Variants in MFHAS1 observed in about 807,000 individuals in gnomAD.
MFHAS1 encodes multifunctional ROCO family signaling regulator 1.
Under a neutral mutation model 70.4 loss-of-function variants are expected in MFHAS1, and 50 were observed. The observed-to-expected ratio is 0.71, with a 90% CI of 0.57 to 0.90. MFHAS1 has a LOEUF of 0.90. Ranked by LOEUF, MFHAS1 falls within the 40% of genes least tolerant of loss-of-function variation. MFHAS1 has a pLI of 0.00. For missense variants in MFHAS1, 1,795 were observed against 1,347.6 expected (o/e 1.33, Z -5.20); for synonymous variants, 952 against 620.0 (o/e 1.54, Z -7.96).
At chr8:8,838,707 G>A (rs1156429994) in intron 1 of MFHAS1, among the ~76,000 whole-genome samples, 1 of 151,920 alleles carries the variant, frequency 6.6e-6, no homozygotes, top group African/African-American at 2.4e-5. Context: ...CAGCTACTCA[G>A]GAGGGTGAGG....
At chr8:8,853,514 T>C (rs1394272423) in intron 1 of MFHAS1, among the ~76,000 whole-genome samples, 10 of 149,288 alleles carry the variant, frequency 6.7e-5, no homozygotes, top group Non-Finnish European at 3.0e-5. Context: ...AGATTGCTAG[T>C]GCCTGGCACG....
intron 1 of MFHAS1, among the ~76,000 whole-genome samples, chr8:8,880,641 G>C (rs1228084274): frequency 1.3e-5 from 2 of 151,716 alleles, no homozygotes; most frequent in Non-Finnish European, 2.9e-5. Flanking sequence ...TAGGCTGGGT[G>C]CTGGGGGCTG....
intron 1 of MFHAS1, among the ~76,000 whole-genome samples, chr8:8,827,994 G>A (rs1436408363): frequency 6.6e-6 from 1 of 151,614 alleles, no homozygotes; most frequent in Non-Finnish European, 1.5e-5. Context: ...TTTTCTAACA[G>A]CTCTTCAGCT....
intron 1 of MFHAS1, among the ~76,000 whole-genome samples, chr8:8,870,447 C>T (rs1809034308): frequency 6.6e-6 from 1 of 152,076 alleles, no homozygotes; most frequent in Admixed American, 6.6e-5. Flanking sequence ...GCCTAAATGA[C>T]AGAGCAAGAC....
At chr8:8,795,355 CAG>C (rs958070916) in intron 2 of MFHAS1, among the ~76,000 whole-genome samples, 10 of 152,246 alleles carry the variant, frequency 6.6e-5, no homozygotes, top group South Asian at 2.1e-4. Flanking sequence ...ATGTTCAGGA[CAG>C]GGGATATTCA....
At chr8:8,879,761 A>T (rs1247387289) in intron 1 of MFHAS1, among the ~76,000 whole-genome samples, 1 of 152,192 alleles carries the variant, frequency 6.6e-6, no homozygotes, top group African/African-American at 2.4e-5. Context: ...CCCCAAGCCC[A>T]AGATCAGGTA....
Position 8,891,052 on chromosome 8 carries a change from C to A in MFHAS1, c.2007G>T (p.Leu669=). 1 of 1,613,574 alleles carries A rather than the reference C, an allele frequency of 6.2e-7. No individual in the cohort carries two copies. The highest frequency in any genetic ancestry group is 1.3e-5 in the African/African-American group (1 of 75,038). ...GCTGGGCCTGAGGTGGCTGGAAATG[C>A]AGTTCCTCCAGCACCTGCCAGGATC... ...LPRSWQVLEE[L]HFQPPQAQRL... is the part of the protein sequence containing the mutation. Residue 669 remains leucine (L), a synonymous_variant, in exon 1 of 3, where the codon CTG becomes CTT. Coordinates refer to ENST00000276282, the MANE Select transcript of MFHAS1 (RefSeq NM_004225.3). The surrounding 1 kb of genome is among the most constrained non-coding windows in gnomAD (Gnocchi z 5.4).
At chr8:8,849,757 T>C (rs1412652665) in intron 1 of MFHAS1, among the ~76,000 whole-genome samples, 5 of 152,224 alleles carry the variant, frequency 3.3e-5, no homozygotes, top group Non-Finnish European at 5.9e-5. Context: ...TAGATAAGCT[T>C]TACTTTCTAG....
chr8:8,805,120 A>G (rs991061141), intron 1 of MFHAS1, among the ~76,000 whole-genome samples: 3 of 152,138 alleles, frequency 2.0e-5, no homozygotes, highest in Non-Finnish European at 4.4e-5. Context: ...CGGCCCTTCC[A>G]ATGCATTTGG....
chr8:8,801,995 G>A (rs1388076431), intron 1 of MFHAS1, among the ~76,000 whole-genome samples: 1 of 152,218 alleles, frequency 6.6e-6, no homozygotes, highest in Admixed American at 6.5e-5. Context: ...AACGATGCGT[G>A]CACTTTACCT....
rs766284537 is a variant in MFHAS1 at position 8,890,592 on chromosome 8, G to A, written c.2467C>T (p.Leu823=). ...AQQDLQLLLE[L]LEKMGLCYCL... Reference sequence around the variant, plus strand: ...TAACAGAGTCCCATCTTCTCCAGCAGCTCCAGCAACAGCTGCAAGTCCTGC... The same window carrying A: ...TAACAGAGTCCCATCTTCTCCAGCAACTCCAGCAACAGCTGCAAGTCCTGC... Residue 823 remains leucine, a synonymous_variant, in exon 1 of 3, where the codon CTG becomes TTG. Coordinates refer to ENST00000276282, the MANE Select transcript of MFHAS1 (RefSeq NM_004225.3). 3.1e-6 allele frequency: 5 copies of A among 1,613,814 alleles called. No individual in the cohort carries two copies. In the Middle Eastern group the frequency reaches 4.9e-4, roughly 160 times the overall value.
At chr8:8,832,384 G>A (rs1807432461) in intron 1 of MFHAS1, among the ~76,000 whole-genome samples, 1 of 145,754 alleles carries the variant, frequency 6.9e-6, no homozygotes, top group Non-Finnish European at 1.5e-5. Context: ...AAGACGACAA[G>A]CAACCCTATT....
chr8:8,788,775 T>C (rs1266588925), intron 2 of MFHAS1, among the ~76,000 whole-genome samples: 1 of 152,216 alleles, frequency 6.6e-6, no homozygotes, highest in African/African-American at 2.4e-5. Context: ...AGCTGACATA[T>C]GACCTTGGCC....
intron 1 of MFHAS1, among the ~76,000 whole-genome samples, chr8:8,847,480 C>T (rs896258837): frequency 3.3e-5 from 5 of 152,126 alleles, no homozygotes; most frequent in Non-Finnish European, 5.9e-5. Flanking sequence ...CCACGCCCGG[C>T]CAGAAATATC....
intron 1 of MFHAS1, among the ~76,000 whole-genome samples, chr8:8,822,994 G>A (rs1296612683): frequency 2.0e-5 from 3 of 152,130 alleles, no homozygotes; most frequent in African/African-American, 4.8e-5. Flanking sequence ...ATGGGATCCC[G>A]CACAGAGGAC....
intron 1 of MFHAS1, among the ~76,000 whole-genome samples, chr8:8,850,547 T>C (rs1808204360): frequency 6.6e-6 from 1 of 152,048 alleles, no homozygotes; most frequent in Non-Finnish European, 1.5e-5. Context: ...AAATATAAAA[T>C]CAGAACACCC....
At chr8:8,839,629 A>G (rs1807728917) in intron 1 of MFHAS1, among the ~76,000 whole-genome samples, 1 of 152,242 alleles carries the variant, frequency 6.6e-6, no homozygotes, top group South Asian at 2.1e-4. Context: ...TGATGATGGC[A>G]TATAAACAAA....
intron 1 of MFHAS1, among the ~76,000 whole-genome samples, chr8:8,839,843 G>C (rs1364216562): frequency 6.6e-6 from 1 of 152,008 alleles, no homozygotes; most frequent in Non-Finnish European, 1.5e-5. Context: ...ATTTCACATA[G>C]TATTACAGTG....
chr8:8,821,263 G>C (rs1051899832), intron 1 of MFHAS1, among the ~76,000 whole-genome samples: 1 of 152,196 alleles, frequency 6.6e-6, no homozygotes, highest in African/African-American at 2.4e-5. Flanking sequence ...CCCTGTGGCA[G>C]GAGGTCAAAG....
Sources: allele counts gnomAD v4.1 joint callset (sites outside exome capture counted in the v4.1 genomes callset), GRCh38; gene constraint gnomAD v4.1.1; non-coding constraint Gnocchi (gnomAD v3.1); transcripts MANE v1.5; gene names NCBI Gene and HGNC (gene_info 2026-07-23, HGNC 2026-07-21).